PCDHA2: variants seen among roughly 807,000 people sequenced by gnomAD.
The protein encoded by PCDHA2 is protocadherin alpha-2.
Under a neutral mutation model 66.0 loss-of-function variants are expected in PCDHA2, and 58 were observed. That is an observed-to-expected ratio of 0.88 (90% CI 0.71 to 1.09). PCDHA2 has a LOEUF of 1.09. PCDHA2 is among the 50% of genes least tolerant of loss of function. The pLI is 0.00. For missense variants in PCDHA2, 1,267 were observed against 1,242.3 expected (o/e 1.02, Z -0.30); for synonymous variants, 634 against 554.0 (o/e 1.14, Z -2.03).
At chr5:140,838,415 C>T (rs950312767) in intron 1 of PCDHA2, among the ~76,000 whole-genome samples, 1 of 151,548 alleles carries the variant, frequency 6.6e-6, no homozygotes, top group African/African-American at 2.4e-5. Flanking sequence ...TGAGCCACCG[C>T]ATCCGGCCTA....
rs2150184699 is a variant in PCDHA2, at chr5:140,830,304, C to G, written c.2388+32952C>G. On this transcript the variant is annotated intron_variant, in intron 1 of 3. Transcript: ENST00000526136. ...GGCGCGTGCACGGCGGACAAGCCCA[C>G]GCTGGTGTGCTCCAGCGCAGTGGGG... is the stretch of plus-strand genomic sequence containing the variant. 14 of 1,613,942 alleles carry G rather than the reference C, an allele frequency of 8.7e-6. No individual in the cohort carries two copies. Among genetic ancestry groups the G allele is most frequent in the Non-Finnish European group, 1.1e-5 (13 of 1,179,908 alleles).
intron 1 of PCDHA2, among the ~76,000 whole-genome samples, chr5:140,934,826 A>C (rs556197038): frequency 1.1e-4 from 17 of 152,294 alleles, no homozygotes; most frequent in South Asian, 1.0e-3. Context: ...TAACTTTGGC[A>C]AGTTGGGAAC....
At chr5:140,869,108 T>C in intron 1 of PCDHA2, 2 of 1,602,680 alleles carry the variant, frequency 1.2e-6, no homozygotes, top group African/African-American at 1.3e-5. Flanking sequence ...TATGCGATGT[T>C]TGGTTTTCAG....
chr5:141,004,045 G>T (rs1588047334), intron 3 of PCDHA2, among the ~76,000 whole-genome samples: 1 of 152,222 alleles, frequency 6.6e-6, no homozygotes, highest in East Asian at 1.9e-4. Flanking sequence ...TTGATCATTT[G>T]CTGATACTGG....
intron 1 of PCDHA2, among the ~76,000 whole-genome samples, chr5:140,826,211 A>C (rs1554130497): frequency 2.0e-5 from 3 of 152,244 alleles, no homozygotes; most frequent in Non-Finnish European, 4.4e-5. Context: ...CATTTTAAAA[A>C]ATCAAGTTTT....
chr5:140,870,229 C>T (rs781897836), intron 1 of PCDHA2: 13 of 1,614,046 alleles, frequency 8.1e-6, no homozygotes, highest in East Asian at 4.5e-5. Context: ...CGTGTCTGAC[C>T]GTGACTCAGG....
rs1778917220 is a variant in PCDHA2 at position 140,843,490 on chromosome 5, C to T, written c.2388+46138C>T. 14 of 1,596,024 alleles carry T rather than the reference C, an allele frequency of 8.8e-6. 1 individual carries two copies. The highest frequency in any genetic ancestry group is 2.2e-5 in the East Asian group (1 of 44,822). On this transcript the variant is annotated intron_variant, in intron 1 of 3. Coordinates refer to ENST00000526136, the MANE Select transcript of PCDHA2 (RefSeq NM_018905.3). ...TGCTGCTGTACACTGCGCTGCGGTG[C>T]TCAGCACTGCCCACTGAGGGCGGGT...
intron 1 of PCDHA2, chr5:140,822,062 G>T (rs997674203): frequency 3.1e-6 from 5 of 1,614,086 alleles, no homozygotes; most frequent in East Asian, 2.2e-5. Context: ...GAGCTGTGCC[G>T]GCGGAGGGCG....
chr5:140,796,748 G>C lies in PCDHA2; in HGVS notation c.1784G>C (p.Arg595Pro), dbSNP rs782287927. ...GCAGGGCACGTGGTGGCGAAGGTGCGCGCAGTGGACGCTGACTCAGGCTAC... is the reference window on the plus strand; with the variant it reads ...GCAGGGCACGTGGTGGCGAAGGTGCCCGCAGTGGACGCTGACTCAGGCTAC... Reference protein sequence around the residue: ...VGAGHVVAKVRAVDADSGYNA... With the variant: ...VGAGHVVAKVPAVDADSGYNA... Residue 595 changes from arginine (R) to proline (P), a missense_variant, in exon 1 of 4, where the codon CGC becomes CCC. Arg to Pro is a moderately radical substitution (Grantham distance 103). Coordinates refer to ENST00000526136, the MANE Select transcript of PCDHA2 (RefSeq NM_018905.3). 1 of 1,614,142 alleles carries C rather than the reference G, an allele frequency of 6.2e-7. No individual in the cohort carries two copies. The highest frequency in any genetic ancestry group is 8.5e-7 in the Non-Finnish European group (1 of 1,179,968).
intron 3 of PCDHA2, among the ~76,000 whole-genome samples, chr5:140,983,126 G>A (rs1466016868): frequency 6.6e-6 from 1 of 152,206 alleles, no homozygotes; most frequent in African/African-American, 2.4e-5. Context: ...ACATTCTGCA[G>A]ACTGACTTTT....
intron 3 of PCDHA2, among the ~76,000 whole-genome samples, chr5:140,987,537 T>C (rs1343074603): frequency 6.6e-6 from 1 of 152,176 alleles, no homozygotes; most frequent in African/African-American, 2.4e-5. Context: ...CCTGGGACCA[T>C]TACTTAACTT....
intron 1 of PCDHA2, among the ~76,000 whole-genome samples, chr5:140,833,387 A>G (rs1772434937): frequency 6.6e-6 from 1 of 152,198 alleles, no homozygotes; most frequent in African/African-American, 2.4e-5. Flanking sequence ...AGGATGAAAT[A>G]CCTCAAGACT....
chr5:141,009,627 A>G lies in PCDHA2; in HGVS notation c.2537A>G (p.Glu846Gly), dbSNP rs782179145. 6.2e-7 allele frequency: 1 copy of G among 1,612,842 alleles called. No individual in the cohort carries two copies. The highest frequency in any genetic ancestry group is 1.1e-5 in the South Asian group (1 of 90,980). The change falls in exon 4 of 4, where the codon GAA becomes GGA. Residue 846 changes from glutamate (E) to glycine (G), a missense_variant and splice_region_variant. By Grantham distance (98) the Glu-to-Gly change is moderately conservative (BLOSUM62 -2). Coordinates refer to ENST00000526136, the MANE Select transcript of PCDHA2 (RefSeq NM_018905.3). Reference protein sequence around the residue: ...QWPTVSSATPEPEAGEVSPPV... With the variant: ...QWPTVSSATPGPEAGEVSPPV... ...TGATTTGTAATGTTTTGTCTTTCAGAACCAGAGGCAGGAGAAGTGTCCCCT... is the reference window on the plus strand; with the variant it reads ...TGATTTGTAATGTTTTGTCTTTCAGGACCAGAGGCAGGAGAAGTGTCCCCT...
chr5:140,911,729 C>T (rs571299791), intron 1 of PCDHA2, among the ~76,000 whole-genome samples: 16 of 152,252 alleles, frequency 1.1e-4, no homozygotes, highest in South Asian at 4.2e-4. Flanking sequence ...GTAAACAGTT[C>T]GTGCCAAGGA....
intron 1 of PCDHA2, chr5:140,834,658 G>T (rs1554134403): frequency 6.2e-7 from 1 of 1,614,242 alleles, no homozygotes; most frequent in South Asian, 1.1e-5. Context: ...CGGATCGACC[G>T]CGAGGAGCTG....
At chr5:140,971,689 T>C (rs149234216) in intron 1 of PCDHA2, among the ~76,000 whole-genome samples, 1 of 152,306 alleles carries the variant, frequency 6.6e-6, no homozygotes, top group East Asian at 1.9e-4. Context: ...GAATTTGTAC[T>C]CACTAACCAC....
At chr5:140,915,841 G>A (rs1315300132) in intron 1 of PCDHA2, among the ~76,000 whole-genome samples, 1 of 152,098 alleles carries the variant, frequency 6.6e-6, no homozygotes, top group African/African-American at 2.4e-5. Context: ...GATCAGCAGG[G>A]GGTGACACCA....
rs2150368778 is a variant in PCDHA2 at position 140,844,097 on chromosome 5, C to T, written c.2388+46745C>T. ...CTTAGGCACTGAACTCTTAATCTTA[C>T]TCCATATGCTGTACTTTGAAATGCA... On this transcript the variant is annotated intron_variant, in intron 1 of 3. Coordinates refer to ENST00000526136, the MANE Select transcript of PCDHA2 (RefSeq NM_018905.3). 8.7e-5 allele frequency among the ~76,000 whole-genome samples: 13 copies of T among 149,676 alleles called. No individual in the cohort carries two copies. In the East Asian group the frequency reaches 1.9e-3, roughly 22 times the overall value.
chr5:140,885,367 G>T (rs1476588272), intron 1 of PCDHA2, among the ~76,000 whole-genome samples: 2 of 152,244 alleles, frequency 1.3e-5, no homozygotes, highest in African/African-American at 4.8e-5. Flanking sequence ...GTGACTGAAA[G>T]TACCTTTTGG....
Sources: allele counts gnomAD v4.1 joint callset (sites outside exome capture counted in the v4.1 genomes callset), GRCh38; gene constraint gnomAD v4.1.1; transcripts MANE v1.5; gene names NCBI Gene and HGNC (gene_info 2026-07-23, HGNC 2026-07-21).